TMEM232: variants seen among roughly 807,000 people sequenced by gnomAD.
TMEM232 encodes the protein transmembrane protein 232.
A neutral mutation model predicts 78.8 loss-of-function variants in TMEM232; 80 were observed. That is an observed-to-expected ratio of 1.01 (90% CI 0.85 to 1.22). The LOEUF is 1.22. Among genes scored for constraint, TMEM232 ranks in the 50% most tolerant of loss-of-function variants. The probability of loss-of-function intolerance (pLI) is 0.00; values close to 1 mark genes in which losing one functional copy is unlikely to be tolerated. For missense variants in TMEM232, 881 were observed against 742.2 expected (o/e 1.19, Z -2.17); for synonymous variants, 297 against 254.3 (o/e 1.17, Z -1.60).
chr5:110,721,625 A>G (rs1046107247), intron 1 of TMEM232, among the ~76,000 whole-genome samples: 5 of 87,430 alleles, frequency 5.7e-5, no homozygotes, highest in African/African-American at 1.2e-4. Flanking sequence ...ATAAGCTATC[A>G]TATGTGTGAG....
intron 1 of TMEM232, among the ~76,000 whole-genome samples, chr5:110,669,489 T>C (rs900040958): frequency 2.0e-5 from 3 of 152,108 alleles, no homozygotes; most frequent in Non-Finnish European, 2.9e-5. Flanking sequence ...CAATAATTAA[T>C]AGCTCACCAA....
chr5:110,500,956 AT>A (rs1766202414), intron 12 of TMEM232, among the ~76,000 whole-genome samples: 2 of 152,226 alleles, frequency 1.3e-5, no homozygotes, highest in South Asian at 4.1e-4. Flanking sequence ...CTATACCTTT[AT>A]GAACTGGTCA....
chr5:110,549,176 C>T (rs1774149811), intron 11 of TMEM232, among the ~76,000 whole-genome samples: 1 of 151,648 alleles, frequency 6.6e-6, no homozygotes, highest in Non-Finnish European at 1.5e-5. Flanking sequence ...ATACACAAAT[C>T]TATGACAAGG....
intron 2 of TMEM232, among the ~76,000 whole-genome samples, chr5:110,411,899 G>A (rs1024014220): frequency 1.3e-5 from 2 of 152,028 alleles, no homozygotes; most frequent in African/African-American, 2.4e-5. Flanking sequence ...GAATATGGGT[G>A]TACCCTCTTC....
At chr5:110,507,464 A>G (rs1580985822) in intron 12 of TMEM232, among the ~76,000 whole-genome samples, 1 of 152,158 alleles carries the variant, frequency 6.6e-6, no homozygotes, top group Non-Finnish European at 1.5e-5. Flanking sequence ...ATAAATCTGG[A>G]AAGTTTACCC....
chr5:110,554,997 G>C (rs1388167539), intron 11 of TMEM232, among the ~76,000 whole-genome samples: 1 of 151,812 alleles, frequency 6.6e-6, no homozygotes, highest in African/African-American at 2.4e-5. Flanking sequence ...TTTGGGGAAG[G>C]CTTGCATCTT....
intron 2 of TMEM232, among the ~76,000 whole-genome samples, chr5:110,654,499 AT>A (rs761157313): frequency 5.9e-5 from 9 of 152,094 alleles, no homozygotes; most frequent in Non-Finnish European, 1.2e-4. Flanking sequence ...GTTCTATTCC[AT>A]TGATCTATAT....
At chr5:110,413,145 G>A (rs765977104) in intron 2 of TMEM232, among the ~76,000 whole-genome samples, 21 of 152,216 alleles carry the variant, frequency 1.4e-4, no homozygotes, top group Admixed American at 4.6e-4. Context: ...ATGTGGGTGG[G>A]CATAATCTAA....
At chr5:110,554,343 C>G (rs1774819522) in intron 11 of TMEM232, among the ~76,000 whole-genome samples, 5 of 152,138 alleles carry the variant, frequency 3.3e-5, no homozygotes, top group Admixed American at 3.3e-4. Context: ...CCTGCTACTC[C>G]AAGTTCTTCA....
chr5:110,721,118 C>A (rs567409035), intron 1 of TMEM232, among the ~76,000 whole-genome samples: 1 of 152,094 alleles, frequency 6.6e-6, no homozygotes, highest in East Asian at 1.9e-4. Context: ...AGTTATAAGA[C>A]AATTTTTCTA....
chr5:110,420,627 T>C lies in TMEM232; in HGVS notation c.1927A>G (p.Lys643Glu), dbSNP rs1261391869. 5 of 1,518,798 alleles carry C rather than the reference T, an allele frequency of 3.3e-6. No homozygotes were observed. The highest frequency in any genetic ancestry group is 2.5e-5 in the East Asian group (1 of 40,192). The allele number at this position is 1,518,798 out of a possible 1,614,324, so 94.1% of individuals were successfully genotyped here. ...GGAAGTTCATAGGGCTTGGTTTGCTTATGTAGTTTCTCTTCTCTTTTCTTC... is the reference window on the plus strand; with the variant it reads ...GGAAGTTCATAGGGCTTGGTTTGCTCATGTAGTTTCTCTTCTCTTTTCTTC... ...VMKKREEKLH[K>E]QTKPYELPYR... Residue 643 changes from lysine (K) to glutamate (E), a missense_variant, in exon 14 of 14, where the codon AAG becomes GAG. Transcript: ENST00000455884.
At chr5:110,649,227 G>C (rs1787949739) in intron 2 of TMEM232, among the ~76,000 whole-genome samples, 1 of 151,992 alleles carries the variant, frequency 6.6e-6, no homozygotes, top group Non-Finnish European at 1.5e-5. Context: ...AAATTTGGGA[G>C]AGTAAAAACA....
intron 6 of TMEM232, 137 bp from the exon 7 acceptor site, chr5:110,625,570 T>C: frequency 1.4e-6 from 1 of 695,856 alleles, no homozygotes. Flanking sequence ...TTAAGATTTA[T>C]AATGTTATGT....
intron 12 of TMEM232, among the ~76,000 whole-genome samples, chr5:110,497,085 A>AT (rs1369801645): frequency 8.5e-5 from 13 of 152,070 alleles, no homozygotes; most frequent in Admixed American, 7.2e-4. Flanking sequence ...TTTGGATCAG[A>AT]TATATCTATG....
At chr5:110,603,612 A>T (rs1781214162) in intron 10 of TMEM232, among the ~76,000 whole-genome samples, 1 of 152,210 alleles carries the variant, frequency 6.6e-6, no homozygotes, top group East Asian at 1.9e-4. Context: ...AATTTCTGAC[A>T]TTCTGAATAA....
At chr5:110,404,548 T>G (rs1755716920) in intron 2 of TMEM232, among the ~76,000 whole-genome samples, 1 of 152,096 alleles carries the variant, frequency 6.6e-6, no homozygotes, top group African/African-American at 2.4e-5. Flanking sequence ...GGGGGAACTT[T>G]TATGGAAAAG....
chr5:110,458,268 C>T (rs1761106727), intron 12 of TMEM232, among the ~76,000 whole-genome samples: 1 of 151,618 alleles, frequency 6.6e-6, no homozygotes, highest in African/African-American at 2.4e-5. Context: ...TTTGTTTTGT[C>T]ATCTTTTTTT....
Position 110,443,453 on chromosome 5 carries a change from C to G in TMEM232, c.1704-18537G>C, listed in dbSNP as rs146060732. Among the ~76,000 whole-genome samples, 385 of 152,144 alleles carry G rather than the reference C, an allele frequency of 2.5e-3. 2 individuals carry two copies. The highest frequency in any genetic ancestry group is 8.9e-3 in the African/African-American group (371 of 41,500). ...TTCAGTCAGCTTGTGGTGAATTATC[C>G]CACGCCTAGGACTCACCTCTCAGTG... On this transcript the variant is annotated intron_variant, in intron 12 of 13. Coordinates refer to ENST00000455884, the MANE Select transcript of TMEM232 (RefSeq NM_001039763.4).
chr5:110,672,529 G>A (rs1007572127), intron 1 of TMEM232, among the ~76,000 whole-genome samples: 1 of 151,974 alleles, frequency 6.6e-6, no homozygotes, highest in African/African-American at 2.4e-5. Flanking sequence ...TTGACTAAGA[G>A]TAATGGGAAA....
Sources: gnomAD v4.1 joint callset for allele counts (sites outside exome capture counted in the v4.1 genomes callset) on GRCh38, gnomAD v4.1.1 for gene constraint, MANE v1.5 for transcripts, NCBI Gene and HGNC (gene_info 2026-07-23, HGNC 2026-07-21) for gene names.